HUS1: variants seen among roughly 807,000 people sequenced by gnomAD.
The protein encoded by HUS1 is checkpoint protein HUS1.
Under a neutral mutation model 32.6 loss-of-function variants are expected in HUS1, and 31 were observed. The observed-to-expected ratio is 0.95, with a 90% confidence interval of 0.72 to 1.28. HUS1 has a LOEUF of 1.28. HUS1 is among the 50% of genes most tolerant of loss of function. HUS1 has a pLI of 0.00. For synonymous variants in HUS1, 123 were observed against 116.6 expected, an observed-to-expected ratio of 1.06 and a Z score of -0.36; for missense variants, 340 against 337.7, an observed-to-expected ratio of 1.01 and a Z score of -0.05.
At chr7:47,971,087 C>T (rs1464317723) in intron 5 of HUS1, among the ~76,000 whole-genome samples, 1 of 152,058 alleles carries the variant, frequency 6.6e-6, no homozygotes, top group Non-Finnish European at 1.5e-5. Context: ...ATGATGTAGA[C>T]ATAATATAAC....
rs1164456684 is a variant in HUS1, at chr7:47,978,824, A to C, written c.53-8T>G. On this transcript the variant is annotated splice_region_variant and splice_polypyrimidine_tract_variant and intron_variant, in intron 1 of 7. Coordinates refer to ENST00000258774, the MANE Select transcript of HUS1 (RefSeq NM_004507.4). ...CTATCATGTTACTGATTCCTAAAGC[A>C]GGGGTTAAAATAAGGAATTACTAAA... 1.2e-6 allele frequency: 2 copies of C among 1,613,106 alleles called. No homozygotes were observed. The highest frequency in any genetic ancestry group is 1.7e-6 in the Non-Finnish European group (2 of 1,179,684).
intron 5 of HUS1, among the ~76,000 whole-genome samples, chr7:47,971,945 T>C (rs1157705825): frequency 6.6e-6 from 1 of 152,250 alleles, no homozygotes; most frequent in Non-Finnish European, 1.5e-5. Flanking sequence ...TGAGCTCTTA[T>C]TTCTGAGCTT....
chr7:47,978,267 T>A, intron 3 of HUS1, 150 bp downstream of exon 3: 1 of 639,340 alleles, frequency 1.6e-6, no homozygotes, highest in Non-Finnish European at 2.6e-6. Flanking sequence ...GAACTGACTC[T>A]AATGCAAAAT....
At chr7:47,978,647 C>T (rs1197286616) in intron 2 of HUS1, 42 bp downstream of exon 2, 1 of 1,612,506 alleles carries the variant, frequency 6.2e-7, no homozygotes, top group Admixed American at 1.7e-5. Flanking sequence ...TTTCCAGTGA[C>T]AATCTGCAGA....
chr7:47,975,695 A>G lies in HUS1; in HGVS notation c.466-8T>C, dbSNP rs1337921601. The G allele has an allele frequency of 2.0e-6, 3 of 1,532,684 alleles. No homozygotes were observed. In the Admixed American group the frequency reaches 5.4e-5, roughly 27 times the overall value. 94.9% of individuals were successfully genotyped at this position (1,532,684 alleles called of 1,614,324 possible). A position where few individuals can be genotyped will look rare whatever the true frequency, so the allele number is the denominator to read the frequency against. ...TGGTAAATAAATACTAACCTACAAAACCAATGAGAAAAAAGCACAAGTATT... is the reference window on the plus strand; with the variant it reads ...TGGTAAATAAATACTAACCTACAAAGCCAATGAGAAAAAAGCACAAGTATT... On this transcript the variant is annotated splice_region_variant and splice_polypyrimidine_tract_variant and intron_variant, in intron 4 of 7. Transcript: ENST00000258774.
chr7:47,969,044 C>G, intron 6 of HUS1, 175 bp downstream of exon 6: 2 of 540,886 alleles, frequency 3.7e-6, no homozygotes, highest in South Asian at 2.3e-5. Flanking sequence ...TGGTGGCTAA[C>G]TGCCCCACTA....
intron 5 of HUS1, among the ~76,000 whole-genome samples, chr7:47,970,179 GCC>G (rs912136324): frequency 6.9e-6 from 1 of 143,998 alleles, no homozygotes; most frequent in Admixed American, 7.2e-5. Context: ...CTTGCAGTGA[GCC>G]GAGATTGCGC....
intron 5 of HUS1, among the ~76,000 whole-genome samples, chr7:47,972,018 AAT>A (rs1374438520): frequency 1.3e-5 from 2 of 152,350 alleles, no homozygotes; most frequent in East Asian, 3.9e-4. Flanking sequence ...TTGAATGAGA[AAT>A]ACTCATTTTC....
chr7:47,966,972 T>C (rs971797312), intron 7 of HUS1, among the ~76,000 whole-genome samples: 4 of 152,174 alleles, frequency 2.6e-5, no homozygotes, highest in African/African-American at 9.6e-5. Context: ...TCCCATGGTC[T>C]CTTCTGATTC....
In HUS1 at chr7:47,963,612, C is replaced by T. The variant is rs1788414970; in HGVS notation, c.*1744G>A. 6.6e-6 allele frequency: 1 copy of T among 152,126 alleles called. No individual in the cohort carries two copies. The highest frequency in any genetic ancestry group is 6.5e-5 in the Admixed American group (1 of 15,272). The allele number at this position is 152,126 out of a possible 1,614,324, so 9.4% of individuals were successfully genotyped here. On this transcript the variant is annotated 3_prime_UTR_variant, in exon 8 of 8. Transcript: ENST00000258774. Reference sequence around the variant, plus strand: ...TTTAACAAAATATTCCATCCTATTTCAACATTATTAAACATAGGCCAGGCG... The same window carrying T: ...TTTAACAAAATATTCCATCCTATTTTAACATTATTAAACATAGGCCAGGCG...
chr7:47,977,972 T>C (rs1250679575), intron 3 of HUS1, among the ~76,000 whole-genome samples: 4 of 152,202 alleles, frequency 2.6e-5, no homozygotes, highest in African/African-American at 9.7e-5. Flanking sequence ...GTTTGTGTAT[T>C]TGTGTGTTTG....
rs554018144 is a variant in HUS1 at position 47,978,771 on chromosome 7, C to G, written c.98G>C (p.Arg33Pro). The stretch of plus-strand genomic sequence containing the variant: ...GAAGTTAAGCTTATCAGGGCTGATG[C>G]GGAGGGTGCAGGTTTTGGCAAGCTT... Reference protein sequence around the residue: ...IAKLAKTCTLRISPDKLNFIL... With the variant: ...IAKLAKTCTLPISPDKLNFIL... The change falls in exon 2 of 8, where the codon CGC becomes CCC. Residue 33 changes from arginine to proline, a missense_variant. Physicochemically the swap from Arg to Pro is moderately radical, Grantham distance 103 (BLOSUM62 -2). Coordinates refer to ENST00000258774, the MANE Select transcript of HUS1 (RefSeq NM_004507.4). The G allele has an allele frequency of 6.2e-7, 1 of 1,614,134 alleles. No homozygotes were observed. The highest frequency in any genetic ancestry group is 2.2e-5 in the East Asian group (1 of 44,886).
intron 4 of HUS1, among the ~76,000 whole-genome samples, chr7:47,975,897 A>G (rs924496006): frequency 1.8e-4 from 27 of 152,202 alleles, no homozygotes; most frequent in African/African-American, 6.5e-4. Context: ...AAAATTAAAG[A>G]ATGGAATGCC....
chr7:47,971,382 A>T, intron 5 of HUS1: 1 of 433,364 alleles, frequency 2.3e-6, no homozygotes, highest in East Asian at 7.3e-5. Flanking sequence ...ATCCCCTCAT[A>T]TACCATCGGG....
intron 5 of HUS1, chr7:47,971,590 A>G: frequency 4.4e-6 from 2 of 455,748 alleles, no homozygotes; most frequent in Non-Finnish European, 8.8e-6. Context: ...CGCACCTACA[A>G]TGAAATTTCC....
intron 3 of HUS1, 107 bp from the exon 4 acceptor site, chr7:47,976,944 G>C: frequency 4.4e-6 from 3 of 678,510 alleles, no homozygotes; most frequent in Non-Finnish European, 5.1e-6. Context: ...AATCTAAGTG[G>C]AATGCTGTCA....
chr7:47,969,423 A>G, intron 5 of HUS1, 105 bp from the exon 6 acceptor site: 1 of 658,154 alleles, frequency 1.5e-6, no homozygotes, highest in Non-Finnish European at 2.7e-6. Context: ...ACCCTACAAA[A>G]CCTCAAAACA....
chr7:47,976,586 T>C lies in HUS1; in HGVS notation c.465+144A>G, dbSNP rs3176524. On this transcript the variant is annotated intron_variant, in intron 4 of 7. Transcript: ENST00000258774. Reference sequence around the variant, plus strand: ...TGCAACATTTTTAAGATGCTTTATGTAAATAACAAAAGGCAAATAATCTAA... The same window carrying C: ...TGCAACATTTTTAAGATGCTTTATGCAAATAACAAAAGGCAAATAATCTAA... The C allele has an allele frequency of 1.2e-3, 789 of 662,814 alleles. 10 individuals carry two copies. The African/African-American group carries it at 0.013, about 11-fold the overall frequency. The allele number at this position is 662,814 out of a possible 1,614,324, so 41.1% of individuals were successfully genotyped here. A position where few individuals can be genotyped will look rare whatever the true frequency, so the allele number is the denominator to read the frequency against.
chr7:47,965,663 G>A (rs531218309), intron 7 of HUS1, among the ~76,000 whole-genome samples: 1 of 152,246 alleles, frequency 6.6e-6, no homozygotes, highest in South Asian at 2.1e-4. Context: ...AAGTGAAGCG[G>A]CCCAAGCCCT....
Sources: allele counts gnomAD v4.1 joint callset (sites outside exome capture counted in the v4.1 genomes callset), GRCh38; gene constraint gnomAD v4.1.1; transcripts MANE v1.5; gene names NCBI Gene and HGNC (gene_info 2026-07-23, HGNC 2026-07-21).